The following QRICH1 variants were observed in gnomAD, a reference collection of about 807,000 sequenced individuals.
QRICH1 encodes the protein transcriptional regulator QRICH1.
A neutral mutation model predicts 87.1 loss-of-function variants in QRICH1; 16 were observed. The observed-to-expected ratio is 0.18, with a 90% CI of 0.12 to 0.28. QRICH1 has a LOEUF of 0.28. Ranked by LOEUF, QRICH1 falls within the 10% of genes least tolerant of loss-of-function variation. The pLI, the probability that QRICH1 is intolerant of heterozygous loss-of-function variation, is 1.00. For synonymous variants in QRICH1, 367 were observed against 368.4 expected, an observed-to-expected ratio of 1.00 and a Z score of 0.05; for missense variants, 647 against 951.7, an observed-to-expected ratio of 0.68 and a Z score of 4.21.
At chr3:49,094,261 C>A, upstream of QRICH1, 1 of 378,022 alleles carries the variant, frequency 2.6e-6, no homozygotes, top group Non-Finnish European at 4.7e-6. Flanking sequence ...CCATGTGGGG[C>A]GGAGCTAGGG....
intron 2 of QRICH1, among the ~76,000 whole-genome samples, chr3:49,066,433 C>G (rs539863097): frequency 9.2e-5 from 14 of 151,808 alleles, no homozygotes; most frequent in South Asian, 6.2e-4. Context: ...ATGCTTCATG[C>G]TTTACTGTAT....
At chr3:49,056,576 C>T (rs1019749611) in intron 3 of QRICH1, among the ~76,000 whole-genome samples, 10 of 152,184 alleles carry the variant, frequency 6.6e-5, no homozygotes, top group Admixed American at 3.3e-4. Context: ...TTTACTCTTC[C>T]TGAGAAGAGA....
chr3:49,048,511 G>C (rs1291042220), intron 3 of QRICH1, among the ~76,000 whole-genome samples: 4 of 150,144 alleles, frequency 2.7e-5, no homozygotes, highest in African/African-American at 9.8e-5. Context: ...CACCCTGGCC[G>C]GGTGCAGTGG....
At chr3:49,045,195 T>G (rs2106857505) in intron 5 of QRICH1, among the ~76,000 whole-genome samples, 1 of 152,210 alleles carries the variant, frequency 6.6e-6, no homozygotes, top group Middle Eastern at 3.4e-3. Flanking sequence ...CTCCTTCAAA[T>G]AAGTAGTTAG....
intron 1 of QRICH1, among the ~76,000 whole-genome samples, chr3:49,086,334 G>A (rs1278287085): frequency 6.6e-6 from 1 of 150,522 alleles, no homozygotes; most frequent in Non-Finnish European, 1.5e-5. Flanking sequence ...TCGGCTCACT[G>A]TAAGCTCCAC....
At chr3:49,076,593 A>T in intron 2 of QRICH1, 116 bp downstream of exon 2, 2 of 1,048,876 alleles carry the variant, frequency 1.9e-6, no homozygotes, top group Non-Finnish European at 2.6e-6. Flanking sequence ...TAACTTTGAA[A>T]ATCTTAGTGT....
intron 6 of QRICH1, among the ~76,000 whole-genome samples, chr3:49,039,697 G>A (rs972413311): frequency 5.3e-5 from 8 of 151,226 alleles, no homozygotes; most frequent in Non-Finnish European, 1.2e-4. Flanking sequence ...GGAAACAGGT[G>A]GTGGTATACA....
At chr3:49,060,822 C>T (rs572054644) in intron 2 of QRICH1, among the ~76,000 whole-genome samples, 1 of 152,150 alleles carries the variant, frequency 6.6e-6, no homozygotes, top group East Asian at 1.9e-4. Context: ...ATCTAGGCTG[C>T]ATGCTCCTTA....
intron 6 of QRICH1, 102 bp downstream of exon 6, chr3:49,044,288 T>C: frequency 3.4e-6 from 3 of 886,870 alleles, no homozygotes; most frequent in Non-Finnish European, 5.3e-6. Flanking sequence ...CTGGGATTTA[T>C]ATCCCCCCTC....
chr3:49,030,738 A>G, intron 9 of QRICH1, 94 bp from the exon 10 acceptor site: 1 of 1,123,570 alleles, frequency 8.9e-7, no homozygotes, highest in South Asian at 1.7e-5. Context: ...GCAAACAGTA[A>G]GGCCCCAAGT....
chr3:49,066,557 C>G (rs1239993855), intron 2 of QRICH1, among the ~76,000 whole-genome samples: 1 of 151,552 alleles, frequency 6.6e-6, no homozygotes, highest in Admixed American at 6.6e-5. Context: ...CTCCTCCTCC[C>G]GGGTTCAAGC....
chr3:49,070,038 A>T (rs945319222), intron 2 of QRICH1, among the ~76,000 whole-genome samples: 7 of 143,348 alleles, frequency 4.9e-5, no homozygotes, highest in South Asian at 2.2e-4. Context: ...TTGTCACCAA[A>T]TTTTTTTTTT....
At chr3:49,067,851 G>A (rs1005080508) in intron 2 of QRICH1, among the ~76,000 whole-genome samples, 4 of 151,550 alleles carry the variant, frequency 2.6e-5, no homozygotes, top group Admixed American at 6.6e-5. Context: ...CTCAGAAGGC[G>A]GAGGCAGGAG....
At chr3:49,092,469 G>C (rs193002151) in intron 1 of QRICH1, 1 of 152,026 alleles carries the variant, frequency 6.6e-6, no homozygotes, top group African/African-American at 2.4e-5. Flanking sequence ...GAAGAAGATA[G>C]AACAAAAAAG....
intron 3 of QRICH1, among the ~76,000 whole-genome samples, chr3:49,047,608 C>G (rs1356321857): frequency 3.3e-5 from 5 of 151,762 alleles, no homozygotes; most frequent in Admixed American, 3.3e-4. Flanking sequence ...CTCAGCCTCC[C>G]GAGTACCTGG....
At position 49,057,862 on chromosome 3, in the gene QRICH1, T is replaced by G; in HGVS notation, c.338A>C (p.Gln113Pro). The G allele has an allele frequency of 2.5e-6, 4 of 1,613,962 alleles. No homozygotes were observed. The highest frequency in any genetic ancestry group is 3.4e-6 in the Non-Finnish European group (4 of 1,179,970). ...TGGGGAGAGCTGAGCCGAGACCTGT[T>G]GCGGAGACTGCTGTACCTGCACCTG... Reference protein sequence around the residue: ...QVQVQVQQSPQQVSAQLSPQL... With the variant: ...QVQVQVQQSPPQVSAQLSPQL... Residue 113 changes from glutamine to proline, a missense_variant, in exon 3 of 10, where the codon CAA (glutamine) becomes CCA (proline). Physicochemically the swap from Gln to Pro is moderately conservative, Grantham distance 76. Transcript: ENST00000395443. This position sits in a 1 kb window ranked among gnomAD's most constrained non-coding sequence, Gnocchi z 5.4.
At position 49,029,739 on chromosome 3, in the gene QRICH1, A is replaced by G; in HGVS notation, c.*713T>C. ...AAGACGTGCTTGTCATTCTTAATAA[A>G]CAACTAGAGTAAGAATACATAAGAG... On this transcript the variant is annotated 3_prime_UTR_variant, in exon 10 of 10. Transcript: ENST00000395443. 1 of 333,366 alleles carries G rather than the reference A, an allele frequency of 3.0e-6. No individual in the cohort carries two copies. Among genetic ancestry groups the G allele is most frequent in the South Asian group, 2.6e-5 (1 of 38,912 alleles). 20.7% of individuals were successfully genotyped at this position (333,366 alleles called of 1,614,324 possible). A position where few individuals can be genotyped will look rare whatever the true frequency, so the allele number is the denominator to read the frequency against.
chr3:49,047,133 G>A lies in QRICH1; in HGVS notation c.1452C>T (p.Asn484=). The change falls in exon 4 of 10, where the codon AAC becomes AAT. Residue 484 remains asparagine, a synonymous_variant. Coordinates refer to ENST00000395443, the MANE Select transcript of QRICH1 (RefSeq NM_198880.3). ...KPEEGLEVWK[N]WAQTKNAELE... ...GTTCAGCATTCTTGGTCTGGGCCCAGTTTTTCCATACTTCAAGCCCTTCTT... is the reference window on the plus strand; with the variant it reads ...GTTCAGCATTCTTGGTCTGGGCCCAATTTTTCCATACTTCAAGCCCTTCTT... 6.2e-7 allele frequency: 1 copy of A among 1,614,158 alleles called. No homozygotes were observed. The highest frequency in any genetic ancestry group is 2.2e-5 in the East Asian group (1 of 44,880).
chr3:49,035,918 A>AG (rs1482159492), intron 6 of QRICH1, among the ~76,000 whole-genome samples: 1 of 85,436 alleles, frequency 1.2e-5, no homozygotes, highest in Non-Finnish European at 2.5e-5. Context: ...CTACAAAAAA[A>AG]AAAAAAAAAA....
Sources: gnomAD v4.1 joint callset for allele counts (sites outside exome capture counted in the v4.1 genomes callset) on GRCh38, gnomAD v4.1.1 for gene constraint, Gnocchi (gnomAD v3.1) non-coding constraint, MANE v1.5 for transcripts, NCBI Gene and HGNC (gene_info 2026-07-23, HGNC 2026-07-21) for gene names.